The following CACNA1C variants were observed in gnomAD, a reference collection of about 807,000 sequenced individuals.
The protein encoded by CACNA1C is voltage-dependent L-type calcium channel subunit alpha-1C.
CACNA1C carries 30 observed loss-of-function variants against 229.0 expected under a neutral mutation model. The ratio of observed to expected loss-of-function variants is 0.13; its 90% confidence interval spans 0.10 to 0.18. The LOEUF is 0.18. Ranked by LOEUF, CACNA1C falls within the 10% of genes least tolerant of loss-of-function variation. CACNA1C has a pLI of 1.00. For missense variants in CACNA1C, 1,658 were observed against 2,845.0 expected, an observed-to-expected ratio of 0.58 and a Z score of 9.49; for synonymous variants, 1,114 against 1,132.5, an observed-to-expected ratio of 0.98 and a Z score of 0.33.
At position 2,160,966 on chromosome 12, in the gene CACNA1C, C is replaced by T. The variant is rs10848621; in HGVS notation, c.477+40536C>T. Among the ~76,000 whole-genome samples, 330 of 152,306 alleles carry T rather than the reference C, an allele frequency of 2.2e-3. 7 individuals carry two copies. In the East Asian group the frequency reaches 0.049, roughly 22 times the overall value. ...CCTCCTGAGTAGCTGGGACTACAGGCGTGCGCCACCACACTTGACTAATTT... is the reference window on the plus strand; with the variant it reads ...CCTCCTGAGTAGCTGGGACTACAGGTGTGCGCCACCACACTTGACTAATTT... On this transcript the variant is annotated intron_variant, in intron 3 of 46. Transcript: ENST00000399655.
chr12:2,130,325 T>G (rs893930737), intron 3 of CACNA1C, among the ~76,000 whole-genome samples: 2 of 151,304 alleles, frequency 1.3e-5, no homozygotes, highest in South Asian at 2.1e-4. Flanking sequence ...TATTATACTT[T>G]AGGTTTTAGG....
chr12:2,639,812 G>A lies in CACNA1C; in HGVS notation c.3912+5432G>A, dbSNP rs1360329080. On this transcript the variant is annotated intron_variant, in intron 30 of 46. Transcript: ENST00000399655. The surrounding 1 kb of genome is among the most constrained non-coding windows in gnomAD (Gnocchi z 4.2). ...TAATCCCTGAAGCCACAGTGCTGAAGGGCAGCAAGGGAGGACAGGCTCCCT... is the reference window on the plus strand; with the variant it reads ...TAATCCCTGAAGCCACAGTGCTGAAAGGCAGCAAGGGAGGACAGGCTCCCT... Among the ~76,000 whole-genome samples the A allele has an allele frequency of 6.6e-6, 1 of 152,156 alleles. No homozygotes were observed. The highest frequency in any genetic ancestry group is 2.4e-5 in the African/African-American group (1 of 41,430).
intron 3 of CACNA1C, among the ~76,000 whole-genome samples, chr12:2,207,835 C>CAA (rs113589726): frequency 0.33 from 49,857 of 150,824 alleles, 8,572 homozygotes; most frequent in Non-Finnish European, 0.37. Flanking sequence ...ACAAAACAAA[C>CAA]AAAAAAAACC....
rs551268895 is a variant in CACNA1C, at chr12:2,108,632, C to A, written c.50-6592C>A. ...GAGGGTGGAAGAGCTGCTGAGACCG[C>A]AAGTTTACCAGCCTCCCACCCACCA... is the stretch of plus-strand genomic sequence containing the variant. On this transcript the variant is annotated intron_variant, in intron 1 of 46. Coordinates refer to ENST00000399655, the MANE Select transcript of CACNA1C (RefSeq NM_000719.7). The surrounding 1 kb of genome is among the most constrained non-coding windows in gnomAD (Gnocchi z 5.3). Among the ~76,000 whole-genome samples the A allele has an allele frequency of 7.2e-5, 11 of 152,178 alleles. No homozygotes were observed. Among genetic ancestry groups the A allele is most frequent in the Non-Finnish European group, 1.5e-4 (10 of 68,036 alleles).
chr12:1,993,241 C>G, intron 1 of CACNA1C: 1 of 1,614,028 alleles, frequency 6.2e-7, no homozygotes, highest in Non-Finnish European at 8.5e-7. Flanking sequence ...GTAAAACAAC[C>G]CACTGTAGTA....
At chr12:2,445,709 G>T (rs1380155909) in intron 3 of CACNA1C, among the ~76,000 whole-genome samples, 3 of 152,100 alleles carry the variant, frequency 2.0e-5, no homozygotes, top group Non-Finnish European at 2.9e-5. Context: ...TCTTTTTATA[G>T]GGCAATTAAG....
At chr12:2,644,125 C>T (rs957639351) in intron 30 of CACNA1C, among the ~76,000 whole-genome samples, 1 of 152,214 alleles carries the variant, frequency 6.6e-6, no homozygotes, top group African/African-American at 2.4e-5. Flanking sequence ...TAGAGACTCA[C>T]ACTCCCATGA....
chr12:2,309,802 C>T (rs1005368508), intron 3 of CACNA1C, among the ~76,000 whole-genome samples: 12 of 152,298 alleles, frequency 7.9e-5, no homozygotes, highest in South Asian at 4.1e-4. Context: ...TGCCTTCTGG[C>T]GACTTACAGT....
intron 34 of CACNA1C, among the ~76,000 whole-genome samples, chr12:2,658,679 T>C (rs1438814144): frequency 6.6e-6 from 1 of 152,178 alleles, no homozygotes; most frequent in Admixed American, 6.5e-5. Context: ...GCAGGAGGTA[T>C]TCCAGAAGAA....
intron 3 of CACNA1C, among the ~76,000 whole-genome samples, chr12:2,274,306 C>T (rs1432513855): frequency 6.6e-6 from 1 of 152,210 alleles, no homozygotes; most frequent in Admixed American, 6.5e-5. Context: ...CTGCTTCCTT[C>T]GTTCAGCTCC....
chr12:2,055,779 G>A (rs1594529409), intron 1 of CACNA1C, among the ~76,000 whole-genome samples: 1 of 152,136 alleles, frequency 6.6e-6, no homozygotes, highest in Non-Finnish European at 1.5e-5. Flanking sequence ...TTCTAGATGC[G>A]GTTCCCAGGT....
chr12:2,219,039 A>G (rs1396083464), intron 3 of CACNA1C, among the ~76,000 whole-genome samples: 2 of 152,228 alleles, frequency 1.3e-5, no homozygotes, highest in African/African-American at 4.8e-5. Context: ...GGAAGGGTTG[A>G]GTATGAACCA....
intron 3 of CACNA1C, among the ~76,000 whole-genome samples, chr12:2,350,881 T>C (rs1022430484): frequency 2.6e-5 from 4 of 152,220 alleles, no homozygotes; most frequent in African/African-American, 9.7e-5. Context: ...TTTGTAGCCT[T>C]CTTGGCAGGA....
At chr12:2,455,738 A>G (rs2154564548) in intron 4 of CACNA1C, among the ~76,000 whole-genome samples, 1 of 152,284 alleles carries the variant, frequency 6.6e-6, no homozygotes, top group South Asian at 2.1e-4. Flanking sequence ...GTCGGTGTCC[A>G]GCCATGTCTC....
chr12:2,651,371 T>A lies in CACNA1C; in HGVS notation c.3946-269T>A, dbSNP rs1272379751. On this transcript the variant is annotated intron_variant, in intron 31 of 46. Coordinates refer to ENST00000399655, the MANE Select transcript of CACNA1C (RefSeq NM_000719.7). This position sits in a 1 kb window ranked among gnomAD's most constrained non-coding sequence, Gnocchi z 5.4. ...GTCCTCCATCCAGGGCATTAAGAAC[T>A]AGGAATGAAGGGGAATCGGGGAGAA... 3.0e-5 allele frequency: 17 copies of A among 557,378 alleles called. No individual in the cohort carries two copies. The highest frequency in any genetic ancestry group is 5.4e-5 in the Non-Finnish European group (17 of 313,918). The allele number at this position is 557,378 out of a possible 1,614,324, so 34.5% of individuals were successfully genotyped here. A position where few individuals can be genotyped will look rare whatever the true frequency, so the allele number is the denominator to read the frequency against.
intron 1 of CACNA1C, chr12:1,993,197 T>G: frequency 6.2e-7 from 1 of 1,607,452 alleles, no homozygotes; most frequent in Admixed American, 1.7e-5. Context: ...TGGCAAACAC[T>G]GTACAATTTT....
chr12:2,573,037 TTCTTCTTCTTCTCTTCCC>T (rs2057015009), intron 13 of CACNA1C, among the ~76,000 whole-genome samples: 1 of 151,060 alleles, frequency 6.6e-6, no homozygotes, highest in Admixed American at 6.6e-5. Flanking sequence ...CTTCCTTTTC[TTCTTCTTCTTCTCTTCCC>T]TCTTCTTTTT....
At chr12:2,334,301 C>T (rs1231123972) in intron 3 of CACNA1C, among the ~76,000 whole-genome samples, 1 of 152,192 alleles carries the variant, frequency 6.6e-6, no homozygotes, top group Non-Finnish European at 1.5e-5. Flanking sequence ...CAGCATATGC[C>T]AGTCACTCTA....
intron 7 of CACNA1C, among the ~76,000 whole-genome samples, chr12:2,501,351 A>ATCCAGG (rs2099759780): frequency 6.6e-6 from 1 of 152,006 alleles, no homozygotes; most frequent in Non-Finnish European, 1.5e-5. Context: ...CTGACCTTGG[A>ATCCAGG]TCCAGGTTTC....
Sources: allele counts gnomAD v4.1 joint callset (sites outside exome capture counted in the v4.1 genomes callset), GRCh38; gene constraint gnomAD v4.1.1; non-coding constraint Gnocchi (gnomAD v3.1); transcripts MANE v1.5; gene names NCBI Gene and HGNC (gene_info 2026-07-23, HGNC 2026-07-21).